Variants in ZFPM2 observed in about 807,000 individuals in gnomAD.
The protein encoded by ZFPM2 is zinc finger protein, FOG family member 2, also known as zinc finger protein ZFPM2.
ZFPM2 carries 20 observed loss-of-function variants against 98.6 expected under a neutral mutation model. The observed-to-expected ratio is 0.20, with a 90% CI of 0.14 to 0.29. ZFPM2 has a LOEUF of 0.29. ZFPM2 is among the 10% of genes least tolerant of loss of function. The probability of loss-of-function intolerance (pLI) is 1.00; values close to 1 mark genes in which losing one functional copy is unlikely to be tolerated. For missense variants in ZFPM2, 1,310 were observed against 1,388.6 expected, an observed-to-expected ratio of 0.94 and a Z score of 0.90; for synonymous variants, 518 against 502.7, an observed-to-expected ratio of 1.03 and a Z score of -0.41.
At chr8:105,713,649 G>C (rs1341221628) in intron 5 of ZFPM2, among the ~76,000 whole-genome samples, 1 of 151,982 alleles carries the variant, frequency 6.6e-6, no homozygotes, top group African/African-American at 2.4e-5. Flanking sequence ...TTTGTATGTG[G>C]TGAGAGGTAG....
chr8:105,420,248 T>C (rs539383727), intron 2 of ZFPM2, among the ~76,000 whole-genome samples: 46 of 152,318 alleles, frequency 3.0e-4, no homozygotes, highest in African/African-American at 9.9e-4. Flanking sequence ...TTTGAATTTG[T>C]TAATCAGACT....
intron 5 of ZFPM2, among the ~76,000 whole-genome samples, chr8:105,677,836 G>A (rs545147152): frequency 1.1e-4 from 17 of 152,202 alleles, no homozygotes; most frequent in South Asian, 6.2e-4. Context: ...TTTAACTGAC[G>A]AAGTTATTGT....
intron 3 of ZFPM2, among the ~76,000 whole-genome samples, chr8:105,514,742 T>C (rs1191426965): frequency 6.6e-6 from 1 of 152,200 alleles, no homozygotes; most frequent in Non-Finnish European, 1.5e-5. Context: ...CCTATGCTCT[T>C]CTTTACAGCA....
At chr8:105,757,096 A>T (rs1812618464) in intron 5 of ZFPM2, among the ~76,000 whole-genome samples, 1 of 152,208 alleles carries the variant, frequency 6.6e-6, no homozygotes, top group South Asian at 2.1e-4. Context: ...ATTTCATGCA[A>T]CATAATAAAA....
chr8:105,628,591 C>T (rs1446670088), intron 4 of ZFPM2, among the ~76,000 whole-genome samples: 1 of 152,152 alleles, frequency 6.6e-6, no homozygotes, highest in Non-Finnish European at 1.5e-5. Context: ...AGCTGGTAGA[C>T]AGGACTACGG....
intron 1 of ZFPM2, among the ~76,000 whole-genome samples, chr8:105,404,068 G>A (rs1286279717): frequency 2.6e-5 from 4 of 151,924 alleles, no homozygotes; most frequent in Admixed American, 6.6e-5. Flanking sequence ...GGCCCTAGGC[G>A]CTAGGTTCTT....
intron 2 of ZFPM2, among the ~76,000 whole-genome samples, chr8:105,421,533 A>C (rs748491401): frequency 3.9e-5 from 6 of 152,174 alleles, no homozygotes; most frequent in Non-Finnish European, 7.3e-5. Flanking sequence ...AGTCAGTTGG[A>C]ACTGGTAGAA....
intron 3 of ZFPM2, among the ~76,000 whole-genome samples, chr8:105,549,193 G>C (rs535588477): frequency 6.6e-6 from 1 of 152,022 alleles, no homozygotes; most frequent in African/African-American, 2.4e-5. Context: ...CTATATTCAT[G>C]TTGGAAAGGG....
intron 4 of ZFPM2, among the ~76,000 whole-genome samples, chr8:105,600,484 G>C (rs1467434883): frequency 6.6e-6 from 1 of 151,706 alleles, no homozygotes; most frequent in Non-Finnish European, 1.5e-5. Context: ...TATTGTCTTT[G>C]TATCTGACAA....
At chr8:105,555,630 A>G (rs12549114) in intron 3 of ZFPM2, among the ~76,000 whole-genome samples, 2 of 152,090 alleles carry the variant, frequency 1.3e-5, no homozygotes, top group Non-Finnish European at 2.9e-5. Context: ...TAAAATGTTT[A>G]TGTTTCTGTT....
chr8:105,492,450 C>G (rs1411450709), intron 3 of ZFPM2, among the ~76,000 whole-genome samples: 2 of 151,992 alleles, frequency 1.3e-5, no homozygotes, highest in East Asian at 3.9e-4. Context: ...CTATTTTGTA[C>G]AAAATGCTTA....
chr8:105,751,575 T>C (rs2066550787), intron 5 of ZFPM2, among the ~76,000 whole-genome samples: 1 of 152,092 alleles, frequency 6.6e-6, no homozygotes, highest in Non-Finnish European at 1.5e-5. Flanking sequence ...CTAGAAAATG[T>C]AGTGTAGGAA....
At position 105,382,450 on chromosome 8, in the gene ZFPM2, C is replaced by T. The variant is rs75279973; in HGVS notation, c.41-36694C>T. Among the ~76,000 whole-genome samples the T allele has an allele frequency of 4.8e-4, 73 of 151,978 alleles. 1 individual carries two copies. The East Asian group carries it at 0.012, about 25-fold the overall frequency. ...ACTATAGAAGTTTTTTTATTAAACA[C>T]TTTTGTCAATATTATTTTCTTATTC... On this transcript the variant is annotated intron_variant, in intron 1 of 7. Transcript: ENST00000407775.
chr8:105,772,942 T>C (rs1372269070), intron 5 of ZFPM2, among the ~76,000 whole-genome samples: 3 of 152,188 alleles, frequency 2.0e-5, no homozygotes, highest in Non-Finnish European at 4.4e-5. Flanking sequence ...GTGAGTTGAA[T>C]GCAGTGCCAT....
At chr8:105,477,549 C>T (rs1418206916) in intron 3 of ZFPM2, among the ~76,000 whole-genome samples, 1 of 151,342 alleles carries the variant, frequency 6.6e-6, no homozygotes, top group African/African-American at 2.5e-5. Context: ...CACATGATAT[C>T]AATCATATGG....
chr8:105,440,572 G>A (rs1389945500), intron 2 of ZFPM2, among the ~76,000 whole-genome samples: 1 of 152,150 alleles, frequency 6.6e-6, no homozygotes, highest in Non-Finnish European at 1.5e-5. Context: ...TGAAGGGATA[G>A]TGCACAAGGT....
intron 3 of ZFPM2, among the ~76,000 whole-genome samples, chr8:105,476,720 A>G (rs1813019008): frequency 1.3e-5 from 2 of 152,164 alleles, no homozygotes; most frequent in African/African-American, 4.8e-5. Flanking sequence ...TATTTATTGA[A>G]TAAATATAGA....
chr8:105,403,992 A>AAACAACAAC (rs58138715), intron 1 of ZFPM2, among the ~76,000 whole-genome samples: 342 of 147,726 alleles, frequency 2.3e-3, no homozygotes, highest in East Asian at 0.02. Context: ...ATTGGTGTTA[A>AAACAACAAC]AACAACAACA....
rs533177469 is a variant in ZFPM2, at chr8:105,801,852, G to C, written c.1770G>C (p.Lys590Asn). Reference sequence around the variant, plus strand: ...CAGAGTTCCCTAGTGTGTCAGAAAAGATGCCTGAAGCTTTGAGTCCCAACA... The same window carrying C: ...CAGAGTTCCCTAGTGTGTCAGAAAACATGCCTGAAGCTTTGAGTCCCAACA... ...KSPEFPSVSEKMPEALSPNTG... is the reference protein window; with the variant it reads ...KSPEFPSVSENMPEALSPNTG... The change falls in exon 8 of 8, where the codon AAG (lysine) becomes AAC (asparagine). Residue 590 changes from lysine to asparagine, a missense_variant. Lys to Asn is a moderately conservative substitution (Grantham distance 94, BLOSUM62 0). Coordinates refer to ENST00000407775, the MANE Select transcript of ZFPM2 (RefSeq NM_012082.4). The C allele has an allele frequency of 3.1e-6, 5 of 1,613,966 alleles. No homozygotes were observed. The highest frequency in any genetic ancestry group is 1.6e-4 in the Middle Eastern group (1 of 6,062).
Sources: allele counts gnomAD v4.1 joint callset (sites outside exome capture counted in the v4.1 genomes callset), GRCh38; gene constraint gnomAD v4.1.1; transcripts MANE v1.5; gene names NCBI Gene and HGNC (gene_info 2026-07-23, HGNC 2026-07-21).